The following PLXNB2 variants were observed in gnomAD, a reference collection of about 807,000 sequenced individuals.
PLXNB2 encodes plexin-B2.
In PLXNB2, 85 loss-of-function variants were observed where a neutral mutation model predicts 202.6. The observed-to-expected ratio is 0.42, with a 90% CI of 0.35 to 0.50. The LOEUF (loss-of-function observed/expected upper bound fraction) is 0.50. Ranked by LOEUF, PLXNB2 falls within the 20% of genes least tolerant of loss-of-function variation. The pLI is 0.02. For missense variants in PLXNB2, 2,063 were observed against 2,586.2 expected (o/e 0.80, Z 4.39); for synonymous variants, 1,239 against 1,137.6 (o/e 1.09, Z -1.79).
intron 2 of PLXNB2, among the ~76,000 whole-genome samples, chr22:50,292,883 C>T (rs1289579162): frequency 6.6e-6 from 1 of 152,214 alleles, no homozygotes; most frequent in Non-Finnish European, 1.5e-5. Flanking sequence ...GGGAGTGCAC[C>T]CATTAGACAG....
chr22:50,278,074 A>C (rs1364908445), intron 31 of PLXNB2, 43 bp downstream of exon 31: 1 of 1,603,492 alleles, frequency 6.2e-7, no homozygotes, highest in Non-Finnish European at 8.5e-7. Flanking sequence ...GGAGGGTCTC[A>C]GCGTGGCGGC....
chr22:50,294,224 G>A (rs1222655226), intron 2 of PLXNB2, among the ~76,000 whole-genome samples: 3 of 152,238 alleles, frequency 2.0e-5, no homozygotes, highest in African/African-American at 7.2e-5. Flanking sequence ...GGATTTCCTC[G>A]GGCCCTCTGG....
chr22:50,289,857 C>A lies in PLXNB2; in HGVS notation c.728G>T (p.Arg243Leu). Residue 243 changes from arginine (R) to leucine (L), a missense_variant, in exon 3 of 37, where the codon CGC becomes CTC. By Grantham distance (102) the Arg-to-Leu change is moderately radical. Coordinates refer to ENST00000359337, the MANE Select transcript of PLXNB2 (RefSeq NM_012401.4). This position sits in a 1 kb window ranked among gnomAD's most constrained non-coding sequence, Gnocchi z 8.0. ...NQQDKHPARN[R>L]TLLARMCRED... ...TCTGCACATGCGTGCCAGCAGCGTG[C>A]GGTTCCGGGCCGGGTGCTTGTCCTG... The A allele has an allele frequency of 6.2e-7, 1 of 1,613,270 alleles. No individual in the cohort carries two copies. Among genetic ancestry groups the A allele is most frequent in the South Asian group, 1.1e-5 (1 of 91,090 alleles).
rs2066861598 is a variant in PLXNB2, at chr22:50,291,438, G to A, written c.-13-841C>T. Reference sequence around the variant, plus strand: ...TGTAACTGAGCACGTCTCGGTGTGGGGTCTGTGCCTGGGTCCGGGTGGATG... The same window carrying A: ...TGTAACTGAGCACGTCTCGGTGTGGAGTCTGTGCCTGGGTCCGGGTGGATG... On this transcript the variant is annotated intron_variant, in intron 2 of 36. Coordinates refer to ENST00000359337, the MANE Select transcript of PLXNB2 (RefSeq NM_012401.4). This position sits in a 1 kb window ranked among gnomAD's most constrained non-coding sequence, Gnocchi z 4.3. 6.6e-6 allele frequency among the ~76,000 whole-genome samples: 1 copy of A among 152,124 alleles called. No individual in the cohort carries two copies. Among genetic ancestry groups the A allele is most frequent in the South Asian group, 2.1e-4 (1 of 4,820 alleles).
rs938850282 is a variant in PLXNB2 at position 50,276,989 on chromosome 22, C to T, written c.5197-83G>A. 4.3e-6 allele frequency: 4 copies of T among 939,668 alleles called. 1 individual carries two copies. In the Admixed American group the frequency reaches 6.2e-5, roughly 15 times the overall value. 58.2% of individuals were successfully genotyped at this position (939,668 alleles called of 1,614,324 possible). On this transcript the variant is annotated intron_variant, in intron 33 of 36. Transcript: ENST00000359337. ...GAGTACCCCTGGGTAGCTTCCCCTGCCCCGAACTCCTGACACTTTCATCAA... is the reference window on the plus strand; with the variant it reads ...GAGTACCCCTGGGTAGCTTCCCCTGTCCCGAACTCCTGACACTTTCATCAA...
rs762828176 is a variant in PLXNB2, at chr22:50,283,594, C to A, written c.2570+8G>T. 5.0e-6 allele frequency: 8 copies of A among 1,612,202 alleles called. No individual in the cohort carries two copies. The highest frequency in any genetic ancestry group is 5.9e-6 in the Non-Finnish European group (7 of 1,179,726). The stretch of plus-strand genomic sequence containing the variant: ...CTGACAGGGCCCAGACCAGGGCCGT[C>A]CACTCACCGGGTGGACACGGAGTAA... On this transcript the variant is annotated splice_region_variant and intron_variant, in intron 15 of 36. Transcript: ENST00000359337.
In PLXNB2 at chr22:50,279,555, C is replaced by A. The variant is rs73891207; in HGVS notation, c.4389+75G>T. On this transcript the variant is annotated intron_variant, in intron 27 of 36. Transcript: ENST00000359337. Reference sequence around the variant, plus strand: ...ACGGCCTCTGGCCTGTGGGTCCCATCTGTGGCCAGGGGATGCCCAAGCTCC... The same window carrying A: ...ACGGCCTCTGGCCTGTGGGTCCCATATGTGGCCAGGGGATGCCCAAGCTCC... The A allele has an allele frequency of 7.5e-3, 10,780 of 1,435,756 alleles. 673 individuals are homozygous for A. The African/African-American group carries it at 0.14, about 18-fold the overall frequency. 88.9% of individuals were successfully genotyped at this position (1,435,756 alleles called of 1,614,324 possible). A position where few individuals can be genotyped will look rare whatever the true frequency, so the allele number is the denominator to read the frequency against.
chr22:50,279,125 C>G, intron 27 of PLXNB2, 114 bp from the exon 28 acceptor site: 1 of 1,107,154 alleles, frequency 9.0e-7, no homozygotes, highest in South Asian at 1.6e-5. Flanking sequence ...CCTTGGGCAG[C>G]AGGCCCCCGC....
In PLXNB2 at chr22:50,282,748, C is replaced by G. The variant is rs200118373; in HGVS notation, c.2950G>C (p.Val984Leu). The change falls in exon 18 of 37, where the codon GTA becomes CTA. Residue 984 changes from valine to leucine, a missense_variant. By Grantham distance (32) the Val-to-Leu change is conservative. This residue lies in a region of PLXNB2 where 1,303 missense variants were observed against 1,476.8 expected (regional missense o/e 0.88). Coordinates refer to ENST00000359337, the MANE Select transcript of PLXNB2 (RefSeq NM_012401.4). ...CGTAGCGGCTCGAAGGCTCGCAGTA[C>G]GGGGTTTTCGCGGTAGGTGAAGAAG... is the stretch of plus-strand genomic sequence containing the variant. The part of the protein sequence containing the change: ...GIFFTYRENP[V>L]LRAFEPLRSF... The G allele has an allele frequency of 3.0e-5, 49 of 1,611,152 alleles. No individual in the cohort carries two copies. The highest frequency in any genetic ancestry group is 3.9e-5 in the Non-Finnish European group (46 of 1,178,958).
rs1292876817 is a variant in PLXNB2, at chr22:50,282,063, C to T, written c.3136G>A (p.Val1046Met). Reference protein sequence around the residue: ...QPMTVVGTDYVFHNDTKVVFL... With the variant: ...QPMTVVGTDYMFHNDTKVVFL... ...ACGACCTTGGTGTCATTGTGGAACA[C>T]GTAGTCTGTACCCACCACCTGCAGG... Residue 1046 changes from valine to methionine, a missense_variant, in exon 20 of 37, where the codon GTG (valine) becomes ATG (methionine). Val to Met is a conservative substitution (Grantham distance 21, BLOSUM62 1). Around this residue, in one of 2 missense-constraint regions of PLXNB2, gnomAD observed 760 missense variants for 1,109.4 expected, o/e 0.69. Coordinates refer to ENST00000359337, the MANE Select transcript of PLXNB2 (RefSeq NM_012401.4). 17 of 1,611,682 alleles carry T rather than the reference C, an allele frequency of 1.1e-5. No individual in the cohort carries two copies. The highest frequency in any genetic ancestry group is 3.3e-5 in the Admixed American group (2 of 59,994).
In PLXNB2 at chr22:50,278,871, T is replaced by A; in HGVS notation, c.4530A>T (p.Pro1510=). 6.2e-7 allele frequency: 1 copy of A among 1,612,148 alleles called. No individual in the cohort carries two copies. The highest frequency in any genetic ancestry group is 1.7e-4 in the Middle Eastern group (1 of 6,056). The change falls in exon 28 of 37, where the codon CCA becomes CCT. Residue 1510 remains proline (P), a synonymous_variant. Coordinates refer to ENST00000359337, the MANE Select transcript of PLXNB2 (RefSeq NM_012401.4). ...RGQPCSCWPR[P]DSVVLEWRPG... is the part of the protein sequence containing the mutation. ...GGCACTCACCCAGGACCACGCTGTCTGGCCTGGGCCAGCAGGAGCAGGGCT... is the reference window on the plus strand; with the variant it reads ...GGCACTCACCCAGGACCACGCTGTCAGGCCTGGGCCAGCAGGAGCAGGGCT...
chr22:50,288,110 A>G lies in PLXNB2; in HGVS notation c.1381-73T>C. On this transcript the variant is annotated intron_variant, in intron 5 of 36. Coordinates refer to ENST00000359337, the MANE Select transcript of PLXNB2 (RefSeq NM_012401.4). The surrounding 1 kb of genome is among the most constrained non-coding windows in gnomAD (Gnocchi z 5.0). ...CCTTCCGCAGACCCCAGATGTCCCCAGACCGCCAGCTTGACCCAGCTCTGT... is the reference window on the plus strand; with the variant it reads ...CCTTCCGCAGACCCCAGATGTCCCCGGACCGCCAGCTTGACCCAGCTCTGT... 3 of 1,181,022 alleles carry G rather than the reference A, an allele frequency of 2.5e-6. No individual in the cohort carries two copies. Among genetic ancestry groups the G allele is most frequent in the Non-Finnish European group, 3.7e-6 (3 of 821,642 alleles). The allele number at this position is 1,181,022 out of a possible 1,614,324, so 73.2% of individuals were successfully genotyped here.
rs373199070 is a variant in PLXNB2 at position 50,288,914 on chromosome 22, C to T, written c.1252-43G>A. ...GGCCGGTGAGGGTACGGGCCTTGTG[C>T]ACAGACGGGCCCTCCAGAGCCTCCC... On this transcript the variant is annotated intron_variant, in intron 4 of 36. Transcript: ENST00000359337. The surrounding 1 kb of genome is among the most constrained non-coding windows in gnomAD (Gnocchi z 5.0). The T allele has an allele frequency of 3.1e-5, 50 of 1,609,950 alleles. No individual in the cohort carries two copies. Among genetic ancestry groups the T allele is most frequent in the Non-Finnish European group, 4.2e-5 (49 of 1,177,608 alleles).
In PLXNB2 at chr22:50,288,910, T is replaced by C; in HGVS notation, c.1252-39A>G. The C allele has an allele frequency of 6.2e-7, 1 of 1,610,926 alleles. No individual in the cohort carries two copies. Among genetic ancestry groups the C allele is most frequent in the Non-Finnish European group, 8.5e-7 (1 of 1,178,240 alleles). On this transcript the variant is annotated intron_variant, in intron 4 of 36. Transcript: ENST00000359337. This position sits in a 1 kb window ranked among gnomAD's most constrained non-coding sequence, Gnocchi z 5.0. ...GGCAGGCCGGTGAGGGTACGGGCCT[T>C]GTGCACAGACGGGCCCTCCAGAGCC...
At position 50,287,100 on chromosome 22, in the gene PLXNB2, AG is replaced by A; in HGVS notation, c.1762+10del. ...AGAAGGGCCACCCGGGGGCTCGGGAAGGGGCCTCACCCTGGCCTGGCGGTGT... is the reference window on the plus strand; with the variant it reads ...AGAAGGGCCACCCGGGGGCTCGGGAAGGGCCTCACCCTGGCCTGGCGGTGT... On this transcript the variant is annotated intron_variant, in intron 8 of 36. Transcript: ENST00000359337. The A allele has an allele frequency of 6.7e-7, 1 of 1,493,616 alleles. No individual in the cohort carries two copies. Among genetic ancestry groups the A allele is most frequent in the Non-Finnish European group, 8.9e-7 (1 of 1,117,344 alleles). 92.5% of individuals were successfully genotyped at this position (1,493,616 alleles called of 1,614,324 possible).
intron 25 of PLXNB2, among the ~76,000 whole-genome samples, 184 bp downstream of exon 25, chr22:50,280,305 G>C (rs2065896470): frequency 6.6e-6 from 1 of 152,216 alleles, no homozygotes; most frequent in East Asian, 1.9e-4. Flanking sequence ...GACAGGAAGG[G>C]CTAGAGTCCG....
chr22:50,278,833 A>T (rs1379221785), intron 28 of PLXNB2, 22 bp downstream of exon 28: 1 of 1,604,746 alleles, frequency 6.2e-7, no homozygotes, highest in Non-Finnish European at 8.5e-7. Flanking sequence ...CTGTGTGCAG[A>T]CGGGCAGGGG....
Position 50,290,580 on chromosome 22 carries a change from G to T in PLXNB2, c.5C>A (p.Ala2Glu). The stretch of plus-strand genomic sequence containing the variant: ...CAGGGTCAGGGCCCAGAGCTGCAGT[G>T]CCATTGCCCCCCGCACCCTGTGGGA... M[A>E]LQLWALTLLG... The change falls in exon 3 of 37, where the codon GCA becomes GAA. Residue 2 changes from alanine to glutamate, a missense_variant. By Grantham distance (107) the Ala-to-Glu change is moderately radical. Coordinates refer to ENST00000359337, the MANE Select transcript of PLXNB2 (RefSeq NM_012401.4). 1.9e-6 allele frequency: 3 copies of T among 1,604,662 alleles called. No homozygotes were observed. The highest frequency in any genetic ancestry group is 2.7e-5 in the African/African-American group (2 of 74,952).
Position 50,297,619 on chromosome 22 carries a change from G to A in PLXNB2, c.-73-2841C>T, listed in dbSNP as rs1319493483. Among the ~76,000 whole-genome samples, 3 of 152,058 alleles carry A rather than the reference G, an allele frequency of 2.0e-5. No individual in the cohort carries two copies. Among genetic ancestry groups the A allele is most frequent in the Non-Finnish European group, 2.9e-5 (2 of 68,008 alleles). On this transcript the variant is annotated intron_variant, in intron 1 of 36. Transcript: ENST00000359337. The surrounding 1 kb of genome is among the most constrained non-coding windows in gnomAD (Gnocchi z 5.3). ...AACACTGAGCCAGGCTCCATCTCCT[G>A]CTCACAAGATTCCCGCTTAGCTACC...
Sources: allele counts gnomAD v4.1 joint callset (sites outside exome capture counted in the v4.1 genomes callset), GRCh38; gene constraint gnomAD v4.1.1; regional missense constraint gnomAD v4.1.1; non-coding constraint Gnocchi (gnomAD v3.1); transcripts MANE v1.5; gene names NCBI Gene and HGNC (gene_info 2026-07-23, HGNC 2026-07-21).